Variants in ADCY2 observed in about 807,000 individuals in gnomAD.
The protein encoded by ADCY2 is adenylate cyclase 2, also known as adenylate cyclase type 2.
In ADCY2, 31 loss-of-function variants were observed where a neutral mutation model predicts 125.2. The observed-to-expected ratio is 0.25, with a 90% CI of 0.19 to 0.33. The LOEUF (loss-of-function observed/expected upper bound fraction) is 0.33, where lower values mean the gene tolerates loss of function less well. Among genes scored for constraint, ADCY2 ranks in the 10% least tolerant of loss-of-function variants. The probability of loss-of-function intolerance (pLI) is 1.00; values close to 1 mark genes in which losing one functional copy is unlikely to be tolerated. For missense variants in ADCY2, 904 were observed against 1,418.2 expected, an observed-to-expected ratio of 0.64 and a Z score of 5.82; for synonymous variants, 512 against 548.4, an observed-to-expected ratio of 0.93 and a Z score of 0.93.
At chr5:7,512,344 A>C (rs1393474512) in intron 2 of ADCY2, among the ~76,000 whole-genome samples, 3 of 151,720 alleles carry the variant, frequency 2.0e-5, no homozygotes, top group Non-Finnish European at 4.4e-5. Context: ...TCTAGGGGAC[A>C]CTGGTGTAAG....
At chr5:7,798,141 G>A (rs55738206) in intron 20 of ADCY2, 3,583 of 148,220 alleles carry the variant, frequency 0.024, 87 homozygotes, top group African/African-American at 0.06. Context: ...CCTGGGTGAC[G>A]GGGGGAAGGC....
At chr5:7,702,134 G>T (rs967901880) in intron 7 of ADCY2, among the ~76,000 whole-genome samples, 1 of 151,796 alleles carries the variant, frequency 6.6e-6, no homozygotes, top group African/African-American at 2.4e-5. Flanking sequence ...GCTCATGCCT[G>T]TAATCCCAGA....
intron 4 of ADCY2, among the ~76,000 whole-genome samples, chr5:7,646,780 G>A (rs565630551): frequency 3.3e-5 from 5 of 152,190 alleles, no homozygotes; most frequent in South Asian, 2.1e-4. Flanking sequence ...TAAATATAAC[G>A]AATTTCACAT....
At chr5:7,403,941 C>CACACAA (rs1318619441) in intron 1 of ADCY2, among the ~76,000 whole-genome samples, 1 of 144,256 alleles carries the variant, frequency 6.9e-6, no homozygotes, top group African/African-American at 2.8e-5. Flanking sequence ...CAATGCTACA[C>CACACAA]ACACACACAC....
chr5:7,652,336 A>G (rs1014669478), intron 4 of ADCY2, among the ~76,000 whole-genome samples: 9 of 152,232 alleles, frequency 5.9e-5, no homozygotes, highest in Admixed American at 1.3e-4. Flanking sequence ...AGAAAGAGAG[A>G]GATCAGTGGG....
chr5:7,576,916 T>C (rs1020225482), intron 3 of ADCY2, among the ~76,000 whole-genome samples: 1 of 152,182 alleles, frequency 6.6e-6, no homozygotes, highest in African/African-American at 2.4e-5. Flanking sequence ...AAAATACATG[T>C]GCAAGTCTGG....
intron 1 of ADCY2, among the ~76,000 whole-genome samples, chr5:7,408,683 A>C (rs1739596738): frequency 6.6e-6 from 1 of 152,106 alleles, no homozygotes; most frequent in African/African-American, 2.4e-5. Flanking sequence ...GCTATTATTA[A>C]AAAGTAAAAA....
intron 1 of ADCY2, among the ~76,000 whole-genome samples, chr5:7,404,564 G>A (rs573942478): frequency 2.6e-5 from 4 of 152,304 alleles, no homozygotes; most frequent in South Asian, 2.1e-4. Flanking sequence ...GTTGCACCAA[G>A]GAGGAAAAGC....
intron 4 of ADCY2, among the ~76,000 whole-genome samples, chr5:7,667,515 A>G (rs569551753): frequency 7.0e-6 from 1 of 143,458 alleles, no homozygotes; most frequent in South Asian, 2.1e-4. Flanking sequence ...TACTTTTAAC[A>G]TGATAATATC....
Position 7,773,054 on chromosome 5 carries a change from C to T in ADCY2, c.2337C>T (p.His779=), listed in dbSNP as rs1394865368. The stretch of plus-strand genomic sequence containing the variant: ...TGGGCTACAACACCATCCTACTCCA[C>T]ACCCACGCCCACGTCCTGGGCGACT... ...ALVGYNTILL[H]THAHVLGDYS... Residue 779 remains histidine, a synonymous_variant, in exon 18 of 25, where the codon CAC becomes CAT. Transcript: ENST00000338316. 1.2e-6 allele frequency: 2 copies of T among 1,614,206 alleles called. No homozygotes were observed. Among genetic ancestry groups the T allele is most frequent in the South Asian group, 2.2e-5 (2 of 91,078 alleles).
At chr5:7,468,997 G>C (rs889101723) in intron 2 of ADCY2, among the ~76,000 whole-genome samples, 1 of 152,166 alleles carries the variant, frequency 6.6e-6, no homozygotes, top group African/African-American at 2.4e-5. Context: ...CAAGGCAGAA[G>C]AGTGGTCAAA....
chr5:7,647,853 C>T (rs545956524), intron 4 of ADCY2, among the ~76,000 whole-genome samples: 1 of 152,186 alleles, frequency 6.6e-6, no homozygotes, highest in Admixed American at 6.5e-5. Flanking sequence ...TTCTAATATT[C>T]TCTTTTCCCC....
intron 23 of ADCY2, among the ~76,000 whole-genome samples, chr5:7,819,812 C>T (rs1409596497): frequency 6.6e-6 from 1 of 152,196 alleles, no homozygotes; most frequent in Non-Finnish European, 1.5e-5. Context: ...TCCTTTTCAG[C>T]ATATCTAGCT....
intron 1 of ADCY2, among the ~76,000 whole-genome samples, chr5:7,414,090 A>C (rs976370790): frequency 1.3e-5 from 2 of 152,228 alleles, no homozygotes; most frequent in Non-Finnish European, 2.9e-5. Flanking sequence ...TCCCATCAAA[A>C]CATTAATTGC....
rs554995633 is a variant in ADCY2, at chr5:7,708,779, G to A, written c.1402-432G>A. ...CAGCAGGGACTGGGAGATGATGGAC[G>A]GGGGAAGGCTCAAAAAATACATGTA... On this transcript the variant is annotated intron_variant, in intron 9 of 24. Coordinates refer to ENST00000338316, the MANE Select transcript of ADCY2 (RefSeq NM_020546.3). Among the ~76,000 whole-genome samples, 10 of 152,176 alleles carry A rather than the reference G, an allele frequency of 6.6e-5. No individual in the cohort carries two copies. The East Asian group carries it at 1.9e-3, about 29-fold the overall frequency.
chr5:7,802,494 A>G lies in ADCY2; in HGVS notation c.2775+130A>G. On this transcript the variant is annotated intron_variant, in intron 21 of 24. Transcript: ENST00000338316. The surrounding 1 kb of genome is among the most constrained non-coding windows in gnomAD (Gnocchi z 4.6). ...TTTGGCATAATTTCTGGCAGATGGC[A>G]TTAAAGCCTTTTGCTTTATTTAGGT... The G allele has an allele frequency of 9.8e-7, 1 of 1,020,476 alleles. No homozygotes were observed. The highest frequency in any genetic ancestry group is 1.4e-6 in the Non-Finnish European group (1 of 715,798). 63.2% of individuals were successfully genotyped at this position (1,020,476 alleles called of 1,614,324 possible). A position where few individuals can be genotyped will look rare whatever the true frequency, so the allele number is the denominator to read the frequency against.
intron 4 of ADCY2, among the ~76,000 whole-genome samples, chr5:7,627,605 G>A (rs909967889): frequency 2.0e-5 from 3 of 152,186 alleles, no homozygotes; most frequent in African/African-American, 7.2e-5. Context: ...GCATATCATG[G>A]ATCCTTAATT....
At chr5:7,807,093 G>GC (rs1479053192) in intron 22 of ADCY2, among the ~76,000 whole-genome samples, 3 of 152,032 alleles carry the variant, frequency 2.0e-5, no homozygotes, top group Admixed American at 6.5e-5. Context: ...CAATACTTTG[G>GC]CAGGGCCTCG....
intron 2 of ADCY2, among the ~76,000 whole-genome samples, chr5:7,515,612 G>A (rs914517565): frequency 9.2e-5 from 14 of 152,314 alleles, no homozygotes; most frequent in South Asian, 2.1e-4. Flanking sequence ...AGCTAATGGC[G>A]AGTCCAGTTG....
Sources: gnomAD v4.1 joint callset for allele counts (sites outside exome capture counted in the v4.1 genomes callset) on GRCh38, gnomAD v4.1.1 for gene constraint, Gnocchi (gnomAD v3.1) non-coding constraint, MANE v1.5 for transcripts, NCBI Gene and HGNC (gene_info 2026-07-23, HGNC 2026-07-21) for gene names.